The following CDH4 variants were observed in gnomAD, a reference collection of about 807,000 sequenced individuals.
CDH4 encodes cadherin-4.
In CDH4, 33 loss-of-function variants were observed where a neutral mutation model predicts 86.0. The ratio of observed to expected loss-of-function variants is 0.38; its 90% CI spans 0.29 to 0.51. The LOEUF (loss-of-function observed/expected upper bound fraction) is 0.51, where lower values mean the gene tolerates loss of function less well. Ranked by LOEUF, CDH4 falls within the 20% of genes least tolerant of loss-of-function variation. CDH4 has a pLI of 0.86. For synonymous variants in CDH4, 555 were observed against 549.4 expected (o/e 1.01, Z -0.14); for missense variants, 1,114 against 1,307.4 (o/e 0.85, Z 2.28).
intron 2 of CDH4, among the ~76,000 whole-genome samples, chr20:61,262,394 T>TC (rs113306189): frequency 0.14 from 21,714 of 152,086 alleles, 1,685 homozygotes; most frequent in African/African-American, 0.19. Context: ...TCACGTGGGT[T>TC]CCCGTTTTCT....
intron 6 of CDH4, among the ~76,000 whole-genome samples, chr20:61,858,669 C>T (rs181023250): frequency 2.2e-4 from 33 of 152,302 alleles, no homozygotes; most frequent in African/African-American, 7.0e-4. Context: ...GAATCACAGC[C>T]GTGTGTTCCC....
chr20:61,627,834 G>A (rs897919839), intron 2 of CDH4, among the ~76,000 whole-genome samples: 8 of 152,034 alleles, frequency 5.3e-5, no homozygotes, highest in Non-Finnish European at 1.0e-4. Flanking sequence ...TGTGAGAGGC[G>A]GCCACTTCTA....
At chr20:61,806,259 T>C (rs929237990) in intron 4 of CDH4, among the ~76,000 whole-genome samples, 4 of 151,620 alleles carry the variant, frequency 2.6e-5, no homozygotes, top group Non-Finnish European at 5.9e-5. Context: ...TGGTTGGGGG[T>C]GGAGTGTTCT....
chr20:61,699,620 C>T (rs1430987868), intron 2 of CDH4, among the ~76,000 whole-genome samples: 2 of 152,216 alleles, frequency 1.3e-5, no homozygotes. Flanking sequence ...GATGACATCA[C>T]CCCACTCAAC....
intron 4 of CDH4, among the ~76,000 whole-genome samples, chr20:61,778,461 T>C (rs922579435): frequency 4.6e-5 from 7 of 152,288 alleles, no homozygotes; most frequent in Middle Eastern, 3.4e-3. Flanking sequence ...CGTCTCTTCC[T>C]AAGCACTAAC....
At chr20:61,884,318 T>C (rs1984435937) in intron 7 of CDH4, among the ~76,000 whole-genome samples, 1 of 152,068 alleles carries the variant, frequency 6.6e-6, no homozygotes, top group Non-Finnish European at 1.5e-5. Flanking sequence ...GAAGGTTGAG[T>C]GAGACACGCT....
intron 2 of CDH4, among the ~76,000 whole-genome samples, chr20:61,545,909 GGA>G (rs2086076580): frequency 1.3e-5 from 2 of 148,404 alleles, no homozygotes; most frequent in African/African-American, 5.0e-5. Context: ...GTGTGTGTGT[GGA>G]GGGGTGTGTG....
chr20:61,534,855 G>A (rs2085984726), intron 2 of CDH4, among the ~76,000 whole-genome samples: 1 of 123,490 alleles, frequency 8.1e-6, no homozygotes, highest in Non-Finnish European at 1.7e-5. Flanking sequence ...CCTCTGGTGG[G>A]ACAGTGGCAG....
At chr20:61,761,254 A>G (rs1173102587) in intron 3 of CDH4, among the ~76,000 whole-genome samples, 3 of 152,188 alleles carry the variant, frequency 2.0e-5, no homozygotes, top group South Asian at 4.1e-4. Flanking sequence ...CTTTTGAAGC[A>G]TGTTTAACCC....
intron 9 of CDH4, among the ~76,000 whole-genome samples, chr20:61,920,336 CGTG>C (rs2054962602): frequency 1.5e-5 from 2 of 129,580 alleles, no homozygotes; most frequent in South Asian, 2.6e-4. Flanking sequence ...TGTGTGGAAG[CGTG>C]GTGTCATAGT....
intron 4 of CDH4, among the ~76,000 whole-genome samples, chr20:61,787,467 C>G (rs949352407): frequency 6.6e-6 from 1 of 152,198 alleles, no homozygotes; most frequent in African/African-American, 2.4e-5. Context: ...ATGGAGGTAA[C>G]TGCGCCCATG....
chr20:61,261,609 C>G (rs2084127948), intron 2 of CDH4, among the ~76,000 whole-genome samples: 2 of 152,164 alleles, frequency 1.3e-5, no homozygotes, highest in Admixed American at 1.3e-4. Context: ...GAGATTTGCT[C>G]TGTTTTCCCT....
rs189787121 is a variant in CDH4 at position 61,348,329 on chromosome 20, C to T, written c.169+93392C>T. Among the ~76,000 whole-genome samples, 6 of 152,292 alleles carry T rather than the reference C, an allele frequency of 3.9e-5. No individual in the cohort carries two copies. In the East Asian group the frequency reaches 9.7e-4, roughly 25 times the overall value. ...ATCCCATGAGACTTATTCGCTATCA[C>T]GAGAACAGCACGGGAAAGACCCACC... On this transcript the variant is annotated intron_variant, in intron 2 of 15. Coordinates refer to ENST00000614565, the MANE Select transcript of CDH4 (RefSeq NM_001794.5).
chr20:61,843,456 C>CAAAA (rs869283452), intron 4 of CDH4, among the ~76,000 whole-genome samples: 28,002 of 58,748 alleles, frequency 0.48, 7,553 homozygotes, highest in Non-Finnish European at 0.61. Context: ...GACTCCGTCT[C>CAAAA]AAAAAAAAAA....
intron 2 of CDH4, among the ~76,000 whole-genome samples, chr20:61,448,249 A>G (rs1449984337): frequency 1.3e-5 from 2 of 152,160 alleles, no homozygotes; most frequent in Non-Finnish European, 2.9e-5. Flanking sequence ...CCTTGTTTTT[A>G]CATTCTGCTG....
intron 2 of CDH4, among the ~76,000 whole-genome samples, chr20:61,497,221 A>G (rs566463391): frequency 5.8e-4 from 88 of 152,138 alleles, no homozygotes; most frequent in Non-Finnish European, 1.0e-3. Flanking sequence ...CTGGTATGTT[A>G]CTGGTGGGGG....
chr20:61,640,139 A>G (rs1218662646), intron 2 of CDH4, among the ~76,000 whole-genome samples: 1 of 152,220 alleles, frequency 6.6e-6, no homozygotes, highest in Non-Finnish European at 1.5e-5. Flanking sequence ...AGAAAATAGC[A>G]AGATCTCTCT....
chr20:61,565,252 T>TGGTA (rs2086273556), intron 2 of CDH4, among the ~76,000 whole-genome samples: 1 of 77,250 alleles, frequency 1.3e-5, no homozygotes, highest in Non-Finnish European at 2.8e-5. Flanking sequence ...GCGGTGCTCT[T>TGGTA]GGTGATGGTG....
In CDH4 at chr20:61,544,484, G is replaced by A. The variant is rs542239745; in HGVS notation, c.170-199079G>A. Among the ~76,000 whole-genome samples, 3 of 151,844 alleles carry A rather than the reference G, an allele frequency of 2.0e-5. No homozygotes were observed. The highest frequency in any genetic ancestry group is 6.6e-5 in the Admixed American group (1 of 15,248). On this transcript the variant is annotated intron_variant, in intron 2 of 15. Coordinates refer to ENST00000614565, the MANE Select transcript of CDH4 (RefSeq NM_001794.5). This position sits in a 1 kb window ranked among gnomAD's most constrained non-coding sequence, Gnocchi z 6.5. ...GGAGCCGCAGGGCATCGGGGTCTTC[G>A]AAGGAAAGCCCGTGGATTATGCATC...
Sources: allele counts gnomAD v4.1 joint callset (sites outside exome capture counted in the v4.1 genomes callset), GRCh38; gene constraint gnomAD v4.1.1; non-coding constraint Gnocchi (gnomAD v3.1); transcripts MANE v1.5; gene names NCBI Gene and HGNC (gene_info 2026-07-23, HGNC 2026-07-21).